The following CDH13 variants were observed in gnomAD, a reference collection of about 807,000 sequenced individuals.
The protein encoded by CDH13 is cadherin 13, also known as cadherin-13.
In CDH13, 24 loss-of-function variants were observed where a neutral mutation model predicts 63.8. The ratio of observed to expected loss-of-function variants is 0.38; its 90% CI spans 0.27 to 0.53. The LOEUF (loss-of-function observed/expected upper bound fraction) is 0.53, where lower values mean the gene tolerates loss of function less well. CDH13 is among the 20% of genes least tolerant of loss of function. The pLI, the probability that CDH13 is intolerant of heterozygous loss-of-function variation, is 0.85. For synonymous variants in CDH13, 503 were observed against 355.3 expected, an observed-to-expected ratio of 1.42 and a Z score of -4.67; for missense variants, 1,049 against 903.1, an observed-to-expected ratio of 1.16 and a Z score of -2.07.
intron 2 of CDH13, among the ~76,000 whole-genome samples, chr16:82,873,339 C>A (rs2040404847): frequency 6.6e-6 from 1 of 152,078 alleles, no homozygotes; most frequent in South Asian, 2.1e-4. Flanking sequence ...ACTAAAGAGC[C>A]CAAGATCTCA....
chr16:83,705,659 G>T (rs1002596374), intron 10 of CDH13, among the ~76,000 whole-genome samples: 1 of 152,188 alleles, frequency 6.6e-6, no homozygotes, highest in Non-Finnish European at 1.5e-5. Flanking sequence ...CAGGAAGAGA[G>T]AATTAAGCTT....
At chr16:83,075,202 C>T (rs147856460) in intron 3 of CDH13, among the ~76,000 whole-genome samples, 49 of 152,320 alleles carry the variant, frequency 3.2e-4, no homozygotes, top group Admixed American at 7.2e-4. Context: ...TGTGTCCACA[C>T]CCTGTCTTAC....
At chr16:83,051,076 G>C (rs897723576) in intron 3 of CDH13, among the ~76,000 whole-genome samples, 1 of 152,084 alleles carries the variant, frequency 6.6e-6, no homozygotes, top group Non-Finnish European at 1.5e-5. Context: ...CCCTTTTCCT[G>C]TGATCCAATC....
At chr16:82,966,788 C>G (rs942209055) in intron 2 of CDH13, among the ~76,000 whole-genome samples, 1 of 152,134 alleles carries the variant, frequency 6.6e-6, no homozygotes, top group African/African-American at 2.4e-5. Context: ...ACTCGATGCC[C>G]CTTTTCCCCT....
chr16:83,224,951 G>C (rs1445349489), intron 5 of CDH13, among the ~76,000 whole-genome samples: 1 of 152,232 alleles, frequency 6.6e-6, no homozygotes, highest in Non-Finnish European at 1.5e-5. Context: ...CAGCTAGCAG[G>C]TAAACAGTTG....
intron 4 of CDH13, among the ~76,000 whole-genome samples, chr16:83,190,452 C>T (rs1382653639): frequency 1.3e-5 from 2 of 152,104 alleles, no homozygotes; most frequent in Non-Finnish European, 2.9e-5. Context: ...GGGGACAGAC[C>T]CTAGTATTTT....
At chr16:83,000,620 C>T (rs1429472078) in intron 2 of CDH13, among the ~76,000 whole-genome samples, 16 of 140,074 alleles carry the variant, frequency 1.1e-4, no homozygotes, top group Non-Finnish European at 2.0e-4. Context: ...GAGGGAGTCT[C>T]GTTCTGTTGC....
intron 1 of CDH13, among the ~76,000 whole-genome samples, chr16:82,672,510 C>T (rs575425700): frequency 1.2e-4 from 18 of 152,150 alleles, no homozygotes; most frequent in South Asian, 2.1e-4. Flanking sequence ...TGAAATCACC[C>T]GGATTCGAAA....
At chr16:83,657,231 A>C (rs1020976400) in intron 8 of CDH13, among the ~76,000 whole-genome samples, 1 of 152,216 alleles carries the variant, frequency 6.6e-6, no homozygotes, top group Non-Finnish European at 1.5e-5. Flanking sequence ...TCAATACAGG[A>C]TCATTTATCT....
intron 2 of CDH13, among the ~76,000 whole-genome samples, chr16:83,016,778 A>C (rs1014843795): frequency 2.6e-5 from 4 of 152,020 alleles, no homozygotes; most frequent in African/African-American, 7.2e-5. Flanking sequence ...AGATATCCAC[A>C]AGGAAGGAAG....
At chr16:83,216,574 TTAA>T (rs1315527287) in intron 4 of CDH13, among the ~76,000 whole-genome samples, 3 of 143,386 alleles carry the variant, frequency 2.1e-5, no homozygotes, top group Non-Finnish European at 4.5e-5. Flanking sequence ...TATGTAGGGT[TTAA>T]TATATATATT....
chr16:83,050,351 C>T (rs149863209), intron 3 of CDH13, among the ~76,000 whole-genome samples: 1 of 152,138 alleles, frequency 6.6e-6, no homozygotes, highest in African/African-American at 2.4e-5. Flanking sequence ...CTATATTCAA[C>T]TCTTTGAGAA....
At chr16:83,666,822 T>TAC (rs773626268) in intron 8 of CDH13, among the ~76,000 whole-genome samples, 410 of 85,344 alleles carry the variant, frequency 4.8e-3, no homozygotes, top group Non-Finnish European at 7.2e-3. Flanking sequence ...CCTCCACACA[T>TAC]ACACACACAC....
rs28537221 is a variant in CDH13 at position 83,399,741 on chromosome 16, C to T, written c.781+54735C>T. 7.4e-3 allele frequency among the ~76,000 whole-genome samples: 1,127 copies of T among 152,246 alleles called. 15 individuals carry two copies. Among genetic ancestry groups the T allele is most frequent in the African/African-American group, 0.025 (1,057 of 41,552 alleles). ...ATGTTGTGAGGAAGCCCAAACTAAA[C>T]CACGCTAGACTCTGGGCTCCAGGAG... On this transcript the variant is annotated intron_variant, in intron 6 of 13. Coordinates refer to ENST00000567109, the MANE Select transcript of CDH13 (RefSeq NM_001257.5).
chr16:83,431,749 A>G (rs1345500146), intron 6 of CDH13, among the ~76,000 whole-genome samples: 2 of 152,120 alleles, frequency 1.3e-5, no homozygotes, highest in Non-Finnish European at 2.9e-5. Flanking sequence ...CACTCTCATG[A>G]GGATAGCACC....
At chr16:83,592,454 C>T (rs957116359) in intron 7 of CDH13, among the ~76,000 whole-genome samples, 8 of 152,236 alleles carry the variant, frequency 5.3e-5, no homozygotes, top group African/African-American at 1.9e-4. Flanking sequence ...AGTGAACTCA[C>T]ACTGAATGTC....
intron 3 of CDH13, among the ~76,000 whole-genome samples, chr16:83,091,290 G>A (rs907804445): frequency 6.6e-6 from 1 of 150,890 alleles, no homozygotes; most frequent in Non-Finnish European, 1.5e-5. Flanking sequence ...AATTCCATGA[G>A]CACTTGGTAA....
intron 3 of CDH13, among the ~76,000 whole-genome samples, chr16:83,043,660 A>C (rs1486594195): frequency 6.6e-6 from 1 of 152,008 alleles, no homozygotes; most frequent in Non-Finnish European, 1.5e-5. Flanking sequence ...GGAGTTTGAG[A>C]CCAGCCTGGC....
chr16:82,723,889 CCTGTTATTTTTT>C (rs1430636439), intron 1 of CDH13, among the ~76,000 whole-genome samples: 3 of 152,128 alleles, frequency 2.0e-5, no homozygotes, highest in Non-Finnish European at 4.4e-5. Context: ...TTCAGTCTTA[CCTGTTATTTTTT>C]CTATTCCCAC....
Sources: gnomAD v4.1 joint callset for allele counts (sites outside exome capture counted in the v4.1 genomes callset) on GRCh38, gnomAD v4.1.1 for gene constraint, MANE v1.5 for transcripts, NCBI Gene and HGNC (gene_info 2026-07-23, HGNC 2026-07-21) for gene names.